WDFY4: variants seen among roughly 807,000 people sequenced by gnomAD.
WDFY4 encodes WDFY family member 4.
WDFY4 carries 169 observed loss-of-function variants against 351.9 expected under a neutral mutation model. That is an observed-to-expected ratio of 0.48 (90% CI 0.42 to 0.55). WDFY4 has a LOEUF of 0.55. WDFY4 is among the 20% of genes least tolerant of loss of function. The probability of loss-of-function intolerance (pLI) is 0.00; values close to 1 mark genes in which losing one functional copy is unlikely to be tolerated. For synonymous variants in WDFY4, 1,622 were observed against 1,574.6 expected, an observed-to-expected ratio of 1.03 and a Z score of -0.71; for missense variants, 3,803 against 3,935.6, an observed-to-expected ratio of 0.97 and a Z score of 0.90.
intron 45 of WDFY4, among the ~76,000 whole-genome samples, chr10:48,898,201 C>T (rs1268553544): frequency 1.3e-5 from 2 of 152,176 alleles, no homozygotes; most frequent in African/African-American, 4.8e-5. Context: ...CTGGTCATAA[C>T]CTCCCACTTC....
chr10:48,790,669 T>C, intron 22 of WDFY4, 58 bp from the exon 23 acceptor site: 1 of 1,522,440 alleles, frequency 6.6e-7, no homozygotes, highest in Non-Finnish European at 8.9e-7. Context: ...TGTCGGGGAA[T>C]TTCCCATTGC....
chr10:48,858,153 G>T (rs919017845), intron 39 of WDFY4, among the ~76,000 whole-genome samples: 1 of 152,176 alleles, frequency 6.6e-6, no homozygotes, highest in African/African-American at 2.4e-5. Flanking sequence ...TGATGGATAT[G>T]TGTCTTACAA....
At position 48,982,512 on chromosome 10, in the gene WDFY4, C is replaced by T; in HGVS notation, c.9492C>T (p.Asn3164=). The change falls in exon 62 of 62, where the codon AAC becomes AAT. Residue 3164 remains asparagine, a synonymous_variant. Coordinates refer to ENST00000325239, the MANE Select transcript of WDFY4 (RefSeq NM_001394531.1). The part of the protein sequence containing the change: ...PAVTALAVSR[N]HTKLLVGDER... ...GTCTTTTCTTTCTCTTCCCAAGAAA[C>T]CACACCAAACTCCTGGTTGGTGATG... 1 of 1,513,644 alleles carries T rather than the reference C, an allele frequency of 6.6e-7. No homozygotes were observed. The highest frequency in any genetic ancestry group is 8.9e-7 in the Non-Finnish European group (1 of 1,126,004). The allele number at this position is 1,513,644 out of a possible 1,614,324, so 93.8% of individuals were successfully genotyped here.
At chr10:48,910,031 C>T in intron 47 of WDFY4, 6 of 546,582 alleles carry the variant, frequency 1.1e-5, no homozygotes, top group South Asian at 2.8e-5. Flanking sequence ...AAATATTTCC[C>T]AAAGTCATTT....
intron 43 of WDFY4, among the ~76,000 whole-genome samples, chr10:48,877,568 C>T (rs1447292981): frequency 2.0e-5 from 3 of 152,244 alleles, no homozygotes; most frequent in Non-Finnish European, 4.4e-5. Flanking sequence ...GGCCTGACCA[C>T]CCTGAGAGGT....
intron 54 of WDFY4, among the ~76,000 whole-genome samples, chr10:48,966,175 A>G (rs1319800739): frequency 6.6e-6 from 1 of 152,178 alleles, no homozygotes; most frequent in African/African-American, 2.4e-5. Flanking sequence ...CACGTTATCT[A>G]GGGAACGAAG....
chr10:48,884,664 C>T (rs1157273311), intron 43 of WDFY4, among the ~76,000 whole-genome samples: 1 of 152,208 alleles, frequency 6.6e-6, no homozygotes, highest in Non-Finnish European at 1.5e-5. Flanking sequence ...TACAGAACTA[C>T]CTATAATTTC....
chr10:48,925,449 C>A (rs1839492137), intron 47 of WDFY4, among the ~76,000 whole-genome samples: 2 of 152,192 alleles, frequency 1.3e-5, no homozygotes, highest in African/African-American at 4.8e-5. Flanking sequence ...GGAGAATTAC[C>A]CCTTGTCCAA....
rs1386259697 is a variant in WDFY4 at position 48,959,746 on chromosome 10, TAGG to T, written c.8159_8161del (p.Gly2720del). On this transcript the variant is annotated inframe_deletion, in exon 53 of 62. Transcript: ENST00000325239. The stretch of plus-strand genomic sequence containing the variant: ...GGCTGCATGCAGGACGGGACTGTGC[TAGG>T]AGACGTGCAGCTCCCTCCCTGGGCT... 1.2e-5 allele frequency: 19 copies of T among 1,551,488 alleles called. No homozygotes were observed. Among genetic ancestry groups the T allele is most frequent in the Non-Finnish European group, 1.7e-5 (19 of 1,146,958 alleles).
intron 46 of WDFY4, 109 bp from the exon 47 acceptor site, chr10:48,901,692 G>T (rs868778159): frequency 5.0e-6 from 6 of 1,207,948 alleles, no homozygotes; most frequent in South Asian, 1.3e-5. Flanking sequence ...GATGGAGCGA[G>T]GGGGAGCAAT....
intron 39 of WDFY4, among the ~76,000 whole-genome samples, chr10:48,858,460 A>C (rs2069219151): frequency 6.6e-6 from 1 of 152,208 alleles, no homozygotes; most frequent in Non-Finnish European, 1.5e-5. Flanking sequence ...CCATTTGCTG[A>C]AAAGCTATCT....
chr10:48,710,954 C>T (rs779415887), intron 2 of WDFY4, among the ~76,000 whole-genome samples: 3 of 152,172 alleles, frequency 2.0e-5, no homozygotes, highest in Non-Finnish European at 2.9e-5. Context: ...TTTATAAGGA[C>T]TTAGTGTTTA....
chr10:48,805,017 G>T (rs929788339), intron 25 of WDFY4, among the ~76,000 whole-genome samples: 2 of 151,990 alleles, frequency 1.3e-5, no homozygotes, highest in African/African-American at 4.8e-5. Flanking sequence ...AATAATTGGG[G>T]TTTGTCTTTG....
chr10:48,689,230 A>G (rs2063134966), intron 1 of WDFY4, among the ~76,000 whole-genome samples: 1 of 152,216 alleles, frequency 6.6e-6, no homozygotes, highest in Admixed American at 6.5e-5. Context: ...AGTGCTATAA[A>G]CCATCAAAAT....
rs546190779 is a variant in WDFY4, at chr10:48,698,467, G to C, written c.-17-11249G>C. On this transcript the variant is annotated intron_variant, in intron 1 of 61. Coordinates refer to ENST00000325239, the MANE Select transcript of WDFY4 (RefSeq NM_001394531.1). ...CATGAAATGCTCTTTCTGAGCAGCA[G>C]TGGCCTCCCGGAGGAACAGTGAGGG... 2.0e-5 allele frequency among the ~76,000 whole-genome samples: 3 copies of C among 152,298 alleles called. No homozygotes were observed. In the East Asian group the frequency reaches 5.8e-4, roughly 29 times the overall value.
At chr10:48,929,798 G>T (rs968159577) in intron 47 of WDFY4, among the ~76,000 whole-genome samples, 2 of 152,128 alleles carry the variant, frequency 1.3e-5, no homozygotes, top group Admixed American at 6.5e-5. Context: ...TCTTCCGGCT[G>T]GGCTGACAGC....
At chr10:48,777,674 C>T (rs2066079143) in intron 17 of WDFY4, among the ~76,000 whole-genome samples, 179 bp downstream of exon 17, 1 of 152,152 alleles carries the variant, frequency 6.6e-6, no homozygotes. Context: ...TGTTTGAGGC[C>T]AGGAGTTCCA....
intron 48 of WDFY4, 22 bp downstream of exon 48, chr10:48,941,870 GA>G: frequency 6.4e-7 from 1 of 1,551,604 alleles, no homozygotes; most frequent in Non-Finnish European, 8.7e-7. Context: ...CCTCCAGAGG[GA>G]AGCCCTCTGG....
chr10:48,763,549 T>C (rs2065577855), intron 13 of WDFY4, among the ~76,000 whole-genome samples: 1 of 152,244 alleles, frequency 6.6e-6, no homozygotes, highest in South Asian at 2.1e-4. Flanking sequence ...TGCGGCCTCT[T>C]ACAGGCCTGG....
Sources: gnomAD v4.1 joint callset for allele counts (sites outside exome capture counted in the v4.1 genomes callset) on GRCh38, gnomAD v4.1.1 for gene constraint, MANE v1.5 for transcripts, NCBI Gene and HGNC (gene_info 2026-07-23, HGNC 2026-07-21) for gene names.